The following WNK1 variants were observed in gnomAD, a reference collection of about 807,000 sequenced individuals.
WNK1 encodes WNK lysine deficient protein kinase 1.
Under a neutral mutation model 222.8 loss-of-function variants are expected in WNK1, and 38 were observed. That is an observed-to-expected ratio of 0.17 (90% confidence interval 0.13 to 0.22). The LOEUF (loss-of-function observed/expected upper bound fraction) is 0.22, where lower values mean the gene tolerates loss of function less well. Among genes scored for constraint, WNK1 ranks in the 10% least tolerant of loss-of-function variants. The pLI is 1.00. For synonymous variants in WNK1, 1,090 were observed against 1,092.9 expected, an observed-to-expected ratio of 1.00 and a Z score of 0.05; for missense variants, 2,348 against 2,918.4, an observed-to-expected ratio of 0.80 and a Z score of 4.50.
intron 22 of WNK1, among the ~76,000 whole-genome samples, chr12:894,349 T>C (rs905859351): frequency 6.6e-6 from 1 of 152,210 alleles, no homozygotes. Context: ...ATAGTATATG[T>C]TAATGTTGTA....
At chr12:887,045 G>C (rs899035495) in intron 19 of WNK1, among the ~76,000 whole-genome samples, 176 bp from the exon 20 acceptor site, 2 of 152,128 alleles carry the variant, frequency 1.3e-5, no homozygotes, top group Non-Finnish European at 2.9e-5. Flanking sequence ...AACAACATTA[G>C]TTGTCACACC....
At chr12:869,093 C>T in intron 8 of WNK1, 2 of 1,614,036 alleles carry the variant, frequency 1.2e-6, no homozygotes, top group Admixed American at 1.7e-5. Context: ...AGGATCTGCA[C>T]TTCATCCACA....
intron 3 of WNK1, among the ~76,000 whole-genome samples, chr12:829,606 C>T (rs1429059138): frequency 1.3e-5 from 2 of 152,158 alleles, no homozygotes; most frequent in Admixed American, 6.5e-5. Context: ...ATCATCTTAT[C>T]TTACAGATGT....
intron 21 of WNK1, among the ~76,000 whole-genome samples, chr12:889,620 C>T (rs543474110): frequency 6.6e-5 from 10 of 152,186 alleles, no homozygotes; most frequent in East Asian, 1.9e-4. Flanking sequence ...AGATCGAGAC[C>T]GTCCTGGCTA....
At chr12:839,780 A>G (rs1237487074) in intron 4 of WNK1, among the ~76,000 whole-genome samples, 3 of 151,774 alleles carry the variant, frequency 2.0e-5, no homozygotes, top group Non-Finnish European at 2.9e-5. Flanking sequence ...TGCATGGTTC[A>G]GTCTTGTCTC....
chr12:854,675 T>C (rs1312293640), intron 4 of WNK1, among the ~76,000 whole-genome samples: 2 of 152,092 alleles, frequency 1.3e-5, no homozygotes, highest in Non-Finnish European at 2.9e-5. Flanking sequence ...AAAAGAAAGT[T>C]TATGCAGTTT....
At chr12:830,189 C>T in intron 4 of WNK1, 29 bp downstream of exon 4, 1 of 1,612,702 alleles carries the variant, frequency 6.2e-7, no homozygotes, top group East Asian at 2.2e-5. Flanking sequence ...GATTGTTGAA[C>T]TTGGGGCATA....
chr12:895,070 G>C (rs552335949), intron 23 of WNK1, among the ~76,000 whole-genome samples: 1 of 152,086 alleles, frequency 6.6e-6, no homozygotes, highest in Non-Finnish European at 1.5e-5. Flanking sequence ...ACATCTTTGT[G>C]TATAAAAATG....
At chr12:813,093 G>C (rs935971621) in intron 1 of WNK1, among the ~76,000 whole-genome samples, 8 of 152,114 alleles carry the variant, frequency 5.3e-5, no homozygotes, top group Admixed American at 3.9e-4. Flanking sequence ...AATTAGCCGG[G>C]CAAGGTGGCA....
intron 10 of WNK1, among the ~76,000 whole-genome samples, chr12:879,145 C>A (rs917848062): frequency 6.6e-6 from 1 of 151,984 alleles, no homozygotes; most frequent in South Asian, 2.1e-4. Context: ...AATCTTAATT[C>A]CACTGGGAAG....
chr12:841,176 A>G (rs886663228), intron 4 of WNK1, among the ~76,000 whole-genome samples: 23 of 152,274 alleles, frequency 1.5e-4, no homozygotes, highest in African/African-American at 4.6e-4. Flanking sequence ...TATATCCACA[A>G]TGTTAATGCA....
intron 8 of WNK1, among the ~76,000 whole-genome samples, chr12:866,619 C>T (rs1194128749): frequency 6.6e-6 from 1 of 152,134 alleles, no homozygotes; most frequent in African/African-American, 2.4e-5. Flanking sequence ...TTCAGCCTCC[C>T]ACAGTGCTGG....
chr12:846,282 T>C (rs768451865), intron 4 of WNK1, among the ~76,000 whole-genome samples: 4 of 152,192 alleles, frequency 2.6e-5, no homozygotes, highest in Admixed American at 6.5e-5. Flanking sequence ...CCAGTTGTCA[T>C]GAAAGTCTAT....
Position 753,134 on chromosome 12 carries a change from C to T in WNK1, c.-432C>T. The T allele has an allele frequency of 6.5e-6, 1 of 155,008 alleles. No individual in the cohort carries two copies. The allele number at this position is 155,008 out of a possible 1,614,324, so 9.6% of individuals were successfully genotyped here. On this transcript the variant is annotated 5_prime_UTR_variant, in exon 1 of 28. Transcript: ENST00000315939. The surrounding 1 kb of genome is among the most constrained non-coding windows in gnomAD (Gnocchi z 5.2). ...CTCGCGGTGCCGCCGCCCTCTGGGC[C>T]TAGCCCGCCCAGCTCGGCGAGCGGC...
rs781193195 is a variant in WNK1, at chr12:896,464, A to T, written c.5977A>T (p.Ile1993Leu). 2 of 1,613,976 alleles carry T rather than the reference A, an allele frequency of 1.2e-6. No individual in the cohort carries two copies. Among genetic ancestry groups the T allele is most frequent in the East Asian group, 4.5e-5 (2 of 44,866 alleles). ...GGAACAAGCTGTTCTTCCTGCTGTG[A>T]TACCAAAGAAAGAGAAGCCTGAACT... The part of the protein sequence containing the change: ...DLEQAVLPAV[I>L]PKKEKPELSE... Residue 1993 changes from isoleucine (I) to leucine (L), a missense_variant, in exon 24 of 28, where the codon ATA becomes TTA. Ile to Leu is a conservative substitution (Grantham distance 5). This residue lies in a region of WNK1 where 1,144 missense variants were observed against 1,273.6 expected (regional missense o/e 0.90). Transcript: ENST00000315939.
chr12:781,567 C>T (rs536057142), intron 1 of WNK1, among the ~76,000 whole-genome samples: 1 of 152,240 alleles, frequency 6.6e-6, no homozygotes, highest in South Asian at 2.1e-4. Context: ...TGCTGGTCTT[C>T]ATTAGATAAA....
rs575193817 is a variant in WNK1 at position 762,545 on chromosome 12, T to C, written c.759+8221T>C. Among the ~76,000 whole-genome samples the C allele has an allele frequency of 4.2e-4, 62 of 147,618 alleles. 1 individual carries two copies. The highest frequency in any genetic ancestry group is 7.1e-3 in the Middle Eastern group (2 of 280). On this transcript the variant is annotated intron_variant, in intron 1 of 27. Transcript: ENST00000315939. ...ATGCAGAACATGTGGATATGGAACC[T>C]GAGGATGTGGAGGGCGGACTGTTCT... is the stretch of plus-strand genomic sequence containing the variant.
At chr12:873,946 A>G (rs1952388817) in intron 9 of WNK1, among the ~76,000 whole-genome samples, 2 of 151,968 alleles carry the variant, frequency 1.3e-5, no homozygotes, top group Admixed American at 6.6e-5. Flanking sequence ...GTATAGTGAT[A>G]TACTAGATCT....
chr12:867,811 G>A (rs780314766), intron 8 of WNK1: 2 of 1,597,488 alleles, frequency 1.3e-6, no homozygotes, highest in South Asian at 2.2e-5. Flanking sequence ...GTGCATGTCT[G>A]ATGTAATTTC....
Sources: allele counts gnomAD v4.1 joint callset (sites outside exome capture counted in the v4.1 genomes callset), GRCh38; gene constraint gnomAD v4.1.1; regional missense constraint gnomAD v4.1.1; non-coding constraint Gnocchi (gnomAD v3.1); transcripts MANE v1.5; gene names NCBI Gene and HGNC (gene_info 2026-07-23, HGNC 2026-07-21).